SUCLA2: variants seen among roughly 807,000 people sequenced by gnomAD.
SUCLA2 encodes succinate--CoA ligase [ADP-forming] subunit beta, mitochondrial.
SUCLA2 carries 30 observed loss-of-function variants against 54.8 expected under a neutral mutation model. That is an observed-to-expected ratio of 0.55 (90% confidence interval 0.41 to 0.74). The LOEUF (loss-of-function observed/expected upper bound fraction) is 0.74, where lower values mean the gene tolerates loss of function less well. Ranked by LOEUF, SUCLA2 falls within the 30% of genes least tolerant of loss-of-function variation. The probability of loss-of-function intolerance (pLI) is 0.00; values close to 1 mark genes in which losing one functional copy is unlikely to be tolerated. For missense variants in SUCLA2, 476 were observed against 562.9 expected, an observed-to-expected ratio of 0.85 and a Z score of 1.56; for synonymous variants, 172 against 188.9, an observed-to-expected ratio of 0.91 and a Z score of 0.74.
chr13:47,957,126 TTCA>T (rs1949827694), intron 6 of SUCLA2, among the ~76,000 whole-genome samples: 1 of 152,308 alleles, frequency 6.6e-6, no homozygotes, highest in African/African-American at 2.4e-5. Flanking sequence ...GGACCTCTCA[TTCA>T]TCATGATTGC....
At chr13:47,959,742 A>C (rs1032147809) in intron 6 of SUCLA2, among the ~76,000 whole-genome samples, 1 of 152,224 alleles carries the variant, frequency 6.6e-6, no homozygotes, top group Non-Finnish European at 1.5e-5. Context: ...TTAAAACCTG[A>C]GAATGAGAGA....
At chr13:47,969,825 G>C (rs1454844062) in intron 5 of SUCLA2, among the ~76,000 whole-genome samples, 1 of 152,150 alleles carries the variant, frequency 6.6e-6, no homozygotes, top group Admixed American at 6.5e-5. Flanking sequence ...ATGTAGGCTG[G>C]GCGCAGTGGC....
rs1555255588 is a variant in SUCLA2, at chr13:47,943,766, G to GTATATATATATATATA, written c.1318-322_1318-321insTATATATATATATATA. 1.1e-3 allele frequency among the ~76,000 whole-genome samples: 156 copies of GTATATATATATATATA among 139,644 alleles called. 2 individuals are homozygous for GTATATATATATATATA. The highest frequency in any genetic ancestry group is 2.4e-3 in the South Asian group (10 of 4,204). The allele number at this position is 139,644 out of a possible 152,430, so 91.6% of individuals were successfully genotyped here. On this transcript the variant is annotated intron_variant, in intron 10 of 10. Transcript: ENST00000646932. ...TGTATGTGTGTGTGTGTGTGTGTGT[G>GTATATATATATATATA]TATATATATATATATTATTCTAAAT...
intron 2 of SUCLA2, 32 bp from the exon 3 acceptor site, chr13:47,989,013 G>A (rs1361379843): frequency 6.4e-7 from 1 of 1,567,660 alleles, no homozygotes; most frequent in Admixed American, 1.7e-5. Flanking sequence ...TAAATATGAA[G>A]CATGGAGCAG....
At chr13:47,983,566 T>C (rs1191084946) in intron 4 of SUCLA2, among the ~76,000 whole-genome samples, 3 of 150,674 alleles carry the variant, frequency 2.0e-5, no homozygotes, top group Non-Finnish European at 2.9e-5. Flanking sequence ...ATGGGCTCAC[T>C]GCAAGCTCCG....
At chr13:47,961,441 C>A (rs572294437) in intron 6 of SUCLA2, among the ~76,000 whole-genome samples, 1 of 152,082 alleles carries the variant, frequency 6.6e-6, no homozygotes, top group Non-Finnish European at 1.5e-5. Context: ...TTTGTGATAA[C>A]AAGTGTCTTA....
intron 6 of SUCLA2, among the ~76,000 whole-genome samples, chr13:47,958,352 T>C (rs1424616612): frequency 1.3e-5 from 2 of 152,162 alleles, no homozygotes; most frequent in Non-Finnish European, 2.9e-5. Flanking sequence ...TTTTCATTTG[T>C]GTGTGTGTAT....
At chr13:47,944,310 G>A (rs988124621) in intron 10 of SUCLA2, among the ~76,000 whole-genome samples, 3 of 152,078 alleles carry the variant, frequency 2.0e-5, no homozygotes, top group Admixed American at 6.6e-5. Context: ...AGTAGTAACT[G>A]CTAATATCAT....
chr13:47,949,341 A>T, intron 9 of SUCLA2, 142 bp downstream of exon 9: 1 of 1,054,450 alleles, frequency 9.5e-7, no homozygotes, highest in Non-Finnish European at 1.4e-6. Flanking sequence ...AAAATGTTTT[A>T]AAAACTATAG....
Position 47,996,990 on chromosome 13 carries a change from C to T in SUCLA2, c.124G>A (p.Gly42Arg). 3 of 1,613,988 alleles carry T rather than the reference C, an allele frequency of 1.9e-6. No homozygotes were observed. Among genetic ancestry groups the T allele is most frequent in the Middle Eastern group, 3.3e-4 (2 of 6,060 alleles). The change falls in exon 2 of 11, where the codon GGA becomes AGA. Residue 42 changes from glycine to arginine, a missense_variant. Transcript: ENST00000646932. Reference sequence around the variant, plus strand: ...TGCTGTTGCTGCTGTACTTGGAGTCCATGGTTATTAAACAATCCAGAACTT... The same window carrying T: ...TGCTGTTGCTGCTGTACTTGGAGTCTATGGTTATTAAACAATCCAGAACTT... ...LGSSGLFNNH[G>R]LQVQQQQQRN...
Position 47,988,641 on chromosome 13 carries a change from G to A in SUCLA2, c.434C>T (p.Thr145Met), listed in dbSNP as rs747966366. Reference sequence around the variant, plus strand: ...ATTGCATATTCTGCCCTTTTCTCCCGTTTGCTTGGTAAACAATTTTTTCCC... The same window carrying A: ...ATTGCATATTCTGCCCTTTTCTCCCATTTGCTTGGTAAACAATTTTTTCCC... The part of the protein sequence containing the change: ...MIGKKLFTKQ[T>M]GEKGRICNQV... The change falls in exon 4 of 11, where the codon ACG becomes ATG. Residue 145 changes from threonine to methionine, a missense_variant. Physicochemically the swap from Thr to Met is moderately conservative, Grantham distance 81 (BLOSUM62 -1). This residue lies in a region of SUCLA2 where 342 missense variants were observed against 444.2 expected (regional missense o/e 0.77). Transcript: ENST00000646932. 4.5e-5 allele frequency: 73 copies of A among 1,613,576 alleles called. No homozygotes were observed. Among genetic ancestry groups the A allele is most frequent in the Non-Finnish European group, 3.1e-5 (36 of 1,179,906 alleles).
At chr13:47,958,596 CTCTGGTAGGTATTT>C (rs1949840789) in intron 6 of SUCLA2, among the ~76,000 whole-genome samples, 1 of 152,128 alleles carries the variant, frequency 6.6e-6, no homozygotes, top group Admixed American at 6.5e-5. Flanking sequence ...TTATATTTGT[CTCTGGTAGGTATTT>C]TGAGGTGTCA....
At chr13:47,985,547 T>C (rs960493856) in intron 4 of SUCLA2, among the ~76,000 whole-genome samples, 1 of 152,176 alleles carries the variant, frequency 6.6e-6, no homozygotes, top group Non-Finnish European at 1.5e-5. Flanking sequence ...TCCATCCATA[T>C]CCCTGCAAAG....
chr13:47,956,868 T>C (rs1235026250), intron 6 of SUCLA2: 1 of 152,190 alleles, frequency 6.6e-6, no homozygotes, highest in African/African-American at 2.4e-5. Context: ...CCAATGTTGG[T>C]AAATCTTCAT....
At chr13:48,000,881 C>T (rs889162858) in intron 1 of SUCLA2, 2 of 1,263,388 alleles carry the variant, frequency 1.6e-6, no homozygotes, top group Non-Finnish European at 1.0e-6. Flanking sequence ...AATGTCCTGA[C>T]CCCCTCACCT....
chr13:47,981,799 C>T (rs895506859), intron 4 of SUCLA2, among the ~76,000 whole-genome samples: 4 of 152,216 alleles, frequency 2.6e-5, no homozygotes, highest in African/African-American at 7.2e-5. Flanking sequence ...GGCAACAGAA[C>T]GAGACTCCGT....
chr13:47,945,087 T>C (rs1359982666), intron 10 of SUCLA2, among the ~76,000 whole-genome samples: 4 of 151,480 alleles, frequency 2.6e-5, no homozygotes, highest in Non-Finnish European at 5.9e-5. Context: ...GCATCTCTAC[T>C]AAAAATACAT....
intron 8 of SUCLA2, among the ~76,000 whole-genome samples, chr13:47,950,558 C>T (rs555950662): frequency 6.6e-6 from 1 of 152,126 alleles, no homozygotes; most frequent in South Asian, 2.1e-4. Context: ...GGGTACATTT[C>T]ACATCCAAAT....
At chr13:47,999,778 G>A (rs1950216211) in intron 1 of SUCLA2, among the ~76,000 whole-genome samples, 2 of 151,822 alleles carry the variant, frequency 1.3e-5, no homozygotes, top group South Asian at 4.2e-4. Flanking sequence ...AGTTTCTTAA[G>A]ACTCCGTACT....
Sources: gnomAD v4.1 joint callset for allele counts (sites outside exome capture counted in the v4.1 genomes callset) on GRCh38, gnomAD v4.1.1 for gene constraint, gnomAD v4.1.1 regional missense constraint, MANE v1.5 for transcripts, NCBI Gene and HGNC (gene_info 2026-07-23, HGNC 2026-07-21) for gene names.